MEF2C: variants seen among roughly 807,000 people sequenced by gnomAD.
The protein encoded by MEF2C is myocyte enhancer factor 2C.
In MEF2C, 6 loss-of-function variants were observed where a neutral mutation model predicts 50.5. The ratio of observed to expected loss-of-function variants is 0.12; its 90% CI spans 0.07 to 0.23. The LOEUF is 0.23. Among genes scored for constraint, MEF2C ranks in the 10% least tolerant of loss-of-function variants. The probability of loss-of-function intolerance (pLI) is 1.00; values close to 1 mark genes in which losing one functional copy is unlikely to be tolerated. For synonymous variants in MEF2C, 183 were observed against 228.0 expected (o/e 0.80, Z 1.78); for missense variants, 276 against 605.0 (o/e 0.46, Z 5.70).
intron 10 of MEF2C, 30 bp downstream of exon 10, chr5:88,728,460 TAAA>T: frequency 7.4e-7 from 1 of 1,346,374 alleles, no homozygotes; most frequent in Middle Eastern, 2.8e-4. Flanking sequence ...AAATACATTC[TAAA>T]ATTATATTAT....
chr5:88,752,724 G>T (rs1259561077), intron 4 of MEF2C: 5 of 985,246 alleles, frequency 5.1e-6, no homozygotes, highest in Non-Finnish European at 6.0e-6. Context: ...GTGAAAGTTG[G>T]CAAATATTTA....
chr5:88,839,054 A>C (rs1581420421), intron 1 of MEF2C, among the ~76,000 whole-genome samples: 1 of 152,176 alleles, frequency 6.6e-6, no homozygotes, highest in Non-Finnish European at 1.5e-5. Context: ...GGTGCATTAT[A>C]GAAGTTAACA....
In MEF2C at chr5:88,809,644, T is replaced by G. The variant is rs187898623; in HGVS notation, c.55-4843A>C. On this transcript the variant is annotated intron_variant, in intron 2 of 10. Coordinates refer to ENST00000504921, the MANE Select transcript of MEF2C (RefSeq NM_002397.5). ...ATTCGTATTTTTATTTAGAGTTGGG[T>G]GAATTCAGTTTTTTTTTCAGACTAA... 9.5e-3 allele frequency among the ~76,000 whole-genome samples: 1,445 copies of G among 152,256 alleles called. 24 individuals are homozygous for G. Among genetic ancestry groups the G allele is most frequent in the Non-Finnish European group, 0.012 (800 of 68,002 alleles).
At chr5:88,819,833 G>A (rs756042778) in intron 2 of MEF2C, among the ~76,000 whole-genome samples, 1 of 151,886 alleles carries the variant, frequency 6.6e-6, no homozygotes, top group Non-Finnish European at 1.5e-5. Context: ...CAGACTACTA[G>A]GGCAGAGCTG....
chr5:88,898,207 A>G (rs1835309357), intron 1 of MEF2C, among the ~76,000 whole-genome samples: 1 of 152,186 alleles, frequency 6.6e-6, no homozygotes, highest in Admixed American at 6.5e-5. Context: ...TCAAAATTGT[A>G]AACAAGAAAA....
At chr5:88,725,684 A>G (rs1253174165) in intron 10 of MEF2C, among the ~76,000 whole-genome samples, 2 of 152,256 alleles carry the variant, frequency 1.3e-5, no homozygotes, top group East Asian at 1.9e-4. Context: ...ACCCTTTCCC[A>G]TAATTGTTCA....
rs962857412 is a variant in MEF2C at position 88,719,286 on chromosome 5, C to T, written c.*3318G>A. The T allele has an allele frequency of 6.6e-6, 1 of 152,020 alleles. No homozygotes were observed. The highest frequency in any genetic ancestry group is 1.5e-5 in the Non-Finnish European group (1 of 67,980). The allele number at this position is 152,020 out of a possible 1,614,324, so 9.4% of individuals were successfully genotyped here. On this transcript the variant is annotated 3_prime_UTR_variant, in exon 11 of 11. Transcript: ENST00000504921. The stretch of plus-strand genomic sequence containing the variant: ...TTTTTATATTCATCATTACAAAATG[C>T]TAAATTCCACCTTTGGGAAAAAATA...
At chr5:88,840,399 G>A (rs1175699616) in intron 1 of MEF2C, among the ~76,000 whole-genome samples, 28 of 151,886 alleles carry the variant, frequency 1.8e-4, no homozygotes, top group Non-Finnish European at 3.1e-4. Flanking sequence ...CGCCATCTTT[G>A]CAGCTCATCA....
Position 88,734,574 on chromosome 5 carries a change from T to TTG in MEF2C, c.638-2674_638-2673insCA, listed in dbSNP as rs1201770404. On this transcript the variant is annotated intron_variant, in intron 6 of 10. Coordinates refer to ENST00000504921, the MANE Select transcript of MEF2C (RefSeq NM_002397.5). Reference sequence around the variant, plus strand: ...GCCTTGAGAAAAGTTTGTTTTTTTTTTTTTTTTTTTTTTTTTTTTTTTTTA... The same window carrying TTG: ...GCCTTGAGAAAAGTTTGTTTTTTTTTTGTTTTTTTTTTTTTTTTTTTTTTTTA... 3.0e-3 allele frequency: 2,641 copies of TTG among 886,174 alleles called. 26 individuals are homozygous for TTG. The highest frequency in any genetic ancestry group is 0.02 in the African/African-American group (929 of 46,978). 54.9% of individuals were successfully genotyped at this position (886,174 alleles called of 1,614,324 possible).
At chr5:88,846,386 A>C (rs994797604) in intron 1 of MEF2C, among the ~76,000 whole-genome samples, 1 of 152,202 alleles carries the variant, frequency 6.6e-6, no homozygotes, top group Non-Finnish European at 1.5e-5. Context: ...CACTTTACGA[A>C]AGTGCTACAA....
intron 3 of MEF2C, among the ~76,000 whole-genome samples, chr5:88,787,498 A>T (rs1277825142): frequency 1.3e-5 from 2 of 152,166 alleles, no homozygotes; most frequent in African/African-American, 2.4e-5. Context: ...TCCGTTAGAG[A>T]ATGAGAGTGT....
chr5:88,776,942 C>T (rs1785092193), intron 3 of MEF2C, among the ~76,000 whole-genome samples: 1 of 152,216 alleles, frequency 6.6e-6, no homozygotes, highest in African/African-American at 2.4e-5. Context: ...TGTCCTGTGG[C>T]CCCAGACAGC....
chr5:88,854,476 C>T (rs771336025), intron 1 of MEF2C, among the ~76,000 whole-genome samples: 1 of 152,152 alleles, frequency 6.6e-6, no homozygotes, highest in Non-Finnish European at 1.5e-5. Flanking sequence ...AAAAGAGACA[C>T]TCAAAAAGTT....
At chr5:88,783,117 C>T (rs905801093) in intron 3 of MEF2C, among the ~76,000 whole-genome samples, 13 of 152,136 alleles carry the variant, frequency 8.5e-5, no homozygotes, top group African/African-American at 2.7e-4. Context: ...ATCATGGCTG[C>T]CTGTCCTGAC....
At chr5:88,733,913 T>A (rs1762734737) in intron 6 of MEF2C, 1 of 985,344 alleles carries the variant, frequency 1.0e-6, no homozygotes, top group Admixed American at 6.1e-5. Flanking sequence ...TTAGCCAAAT[T>A]CTCTAAAGCT....
chr5:88,744,855 C>T (rs1456361002), intron 6 of MEF2C, among the ~76,000 whole-genome samples: 1 of 152,148 alleles, frequency 6.6e-6, no homozygotes, highest in Non-Finnish European at 1.5e-5. Flanking sequence ...GAGATACCAA[C>T]CCACATTTCA....
chr5:88,751,278 T>C (rs1313954334), intron 5 of MEF2C: 1 of 985,446 alleles, frequency 1.0e-6, no homozygotes, highest in Non-Finnish European at 1.2e-6. Context: ...AGAGACAAAT[T>C]TGTGGCAGGT....
intron 4 of MEF2C, chr5:88,760,938 T>C (rs1437502890): frequency 1.3e-6 from 2 of 1,565,124 alleles, no homozygotes; most frequent in East Asian, 4.5e-5. Context: ...GGTTAAGGTA[T>C]GTTACTGCAG....
At chr5:88,860,197 T>C (rs1171348295) in intron 1 of MEF2C, among the ~76,000 whole-genome samples, 1 of 152,208 alleles carries the variant, frequency 6.6e-6, no homozygotes, top group African/African-American at 2.4e-5. Context: ...CTAATAATTA[T>C]GGAAAGTGCC....
Sources: allele counts gnomAD v4.1 joint callset (sites outside exome capture counted in the v4.1 genomes callset), GRCh38; gene constraint gnomAD v4.1.1; transcripts MANE v1.5; gene names NCBI Gene and HGNC (gene_info 2026-07-23, HGNC 2026-07-21).